SOX5: variants seen among roughly 807,000 people sequenced by gnomAD.
SOX5 encodes the protein transcription factor SOX-5.
A neutral mutation model predicts 92.0 loss-of-function variants in SOX5; 9 were observed. The observed-to-expected ratio is 0.10, with a 90% CI of 0.06 to 0.17. SOX5 has a LOEUF of 0.17. Among genes scored for constraint, SOX5 ranks in the 10% least tolerant of loss-of-function variants. The pLI is 1.00. For missense variants in SOX5, 642 were observed against 944.5 expected (o/e 0.68, Z 4.20); for synonymous variants, 344 against 336.3 (o/e 1.02, Z -0.25).
chr12:23,750,878 C>T (rs1377649294), intron 4 of SOX5, among the ~76,000 whole-genome samples: 1 of 151,896 alleles, frequency 6.6e-6, no homozygotes, highest in Non-Finnish European at 1.5e-5. Context: ...TGATCACTAG[C>T]TGTATTTACA....
chr12:23,835,296 G>A (rs755384702), intron 3 of SOX5, among the ~76,000 whole-genome samples: 1 of 151,808 alleles, frequency 6.6e-6, no homozygotes, highest in Admixed American at 6.6e-5. Context: ...TGATGTAACT[G>A]AAAGGGAAAA....
chr12:24,519,514 A>G lies in SOX5; in HGVS notation c.-251+42815T>C, dbSNP rs139196901. On this transcript the variant is annotated intron_variant, in intron 1 of 4. Coordinates refer to the SOX5 transcript ENST00000446891. Reference sequence around the variant, plus strand: ...AAAAAAAACTAAAGATGAGTATACCATTCAAGATACCTGGAGAAAAAGTGT... The same window carrying G: ...AAAAAAAACTAAAGATGAGTATACCGTTCAAGATACCTGGAGAAAAAGTGT... 3.1e-3 allele frequency among the ~76,000 whole-genome samples: 474 copies of G among 152,292 alleles called. 2 individuals are homozygous for G. Among genetic ancestry groups the G allele is most frequent in the Middle Eastern group, 0.014 (4 of 294 alleles).
chr12:23,753,847 A>C (rs1203743925), intron 4 of SOX5, among the ~76,000 whole-genome samples: 3 of 151,846 alleles, frequency 2.0e-5, no homozygotes, highest in Non-Finnish European at 4.4e-5. Context: ...AACAATGGAT[A>C]GTAATTGCAA....
Position 23,956,565 on chromosome 12 carries a change from C to T in SOX5, c.-1-60541G>A, listed in dbSNP as rs149097004. ...CTCCCACCTCACCTAACCTCTCCCA[C>T]CCCCATGGAAAAATTGTCTTTCATG... On this transcript the variant is annotated intron_variant, in intron 4 of 4. Transcript: ENST00000446891. 7.6e-3 allele frequency among the ~76,000 whole-genome samples: 1,152 copies of T among 152,272 alleles called. 14 individuals are homozygous for T. Among genetic ancestry groups the T allele is most frequent in the African/African-American group, 0.026 (1,095 of 41,552 alleles).
chr12:24,295,410 C>A (rs555575794), intron 2 of SOX5, among the ~76,000 whole-genome samples: 5 of 152,174 alleles, frequency 3.3e-5, no homozygotes, highest in African/African-American at 9.6e-5. Context: ...TTTAAGACAC[C>A]CCCAAACACT....
intron 1 of SOX5, among the ~76,000 whole-genome samples, chr12:23,919,695 G>A (rs1295413232): frequency 1.3e-5 from 2 of 152,156 alleles, no homozygotes; most frequent in South Asian, 2.1e-4. Context: ...GAAGTGATTT[G>A]CCTGAAGTCC....
chr12:24,283,874 A>T (rs1042716906), intron 2 of SOX5, among the ~76,000 whole-genome samples: 4 of 152,230 alleles, frequency 2.6e-5, no homozygotes, highest in Non-Finnish European at 1.5e-5. Context: ...CTCACTCTCT[A>T]TGCAAGGTAA....
At chr12:24,314,421 C>T (rs1474111494) in intron 2 of SOX5, among the ~76,000 whole-genome samples, 3 of 151,566 alleles carry the variant, frequency 2.0e-5, no homozygotes, top group South Asian at 2.1e-4. Context: ...TGTTAAATGA[C>T]GAGTTAATGG....
chr12:23,757,860 TTCTG>T (rs913573648), intron 3 of SOX5, among the ~76,000 whole-genome samples: 101 of 151,934 alleles, frequency 6.6e-4, no homozygotes, highest in Admixed American at 1.6e-3. Flanking sequence ...AACAGAAGTC[TTCTG>T]TCTAAGTTGC....
At chr12:24,434,034 G>A (rs578014892) in intron 1 of SOX5, among the ~76,000 whole-genome samples, 1 of 152,156 alleles carries the variant, frequency 6.6e-6, no homozygotes, top group Non-Finnish European at 1.5e-5. Context: ...CCAGGAGAGA[G>A]AACAGTCTCT....
chr12:24,174,716 G>A (rs1371861179), intron 4 of SOX5, among the ~76,000 whole-genome samples: 1 of 152,086 alleles, frequency 6.6e-6, no homozygotes, highest in Non-Finnish European at 1.5e-5. Flanking sequence ...AGCTGCTCAG[G>A]AGGCTGAGGA....
intron 1 of SOX5, among the ~76,000 whole-genome samples, chr12:24,475,104 G>A (rs1845188861): frequency 6.6e-6 from 1 of 152,116 alleles, no homozygotes; most frequent in Non-Finnish European, 1.5e-5. Flanking sequence ...CTCCCAAAGT[G>A]CTGGGATTAC....
At chr12:24,480,554 T>C (rs1300276774) in intron 1 of SOX5, among the ~76,000 whole-genome samples, 1 of 151,846 alleles carries the variant, frequency 6.6e-6, no homozygotes, top group Non-Finnish European at 1.5e-5. Flanking sequence ...TTCAAACAAC[T>C]CTATAGGAAA....
intron 2 of SOX5, among the ~76,000 whole-genome samples, chr12:23,887,395 T>G (rs1160707246): frequency 6.6e-6 from 1 of 152,162 alleles, no homozygotes; most frequent in African/African-American, 2.4e-5. Context: ...AGATGAAGAA[T>G]TAAAAACAAA....
rs1216019650 is a variant in SOX5, at chr12:24,277,560, T to C, written c.-173-248A>G. On this transcript the variant is annotated intron_variant, in intron 2 of 4. Coordinates refer to the SOX5 transcript ENST00000446891. ...TTATATGTATATAAATTTATATTTA[T>C]ATATTAAATATATAAATATATATTT... Among the ~76,000 whole-genome samples, 13 of 73,588 alleles carry C rather than the reference T, an allele frequency of 1.8e-4. No homozygotes were observed. The South Asian group carries it at 6.6e-3, about 37-fold the overall frequency. The allele number at this position is 73,588 out of a possible 152,430, so 48.3% of individuals were successfully genotyped here. A position where few individuals can be genotyped will look rare whatever the true frequency, so the allele number is the denominator to read the frequency against.
intron 6 of SOX5, among the ~76,000 whole-genome samples, chr12:23,728,082 G>A (rs1029124275): frequency 1.3e-5 from 2 of 151,920 alleles, no homozygotes; most frequent in Non-Finnish European, 2.9e-5. Flanking sequence ...GGACAGGGCT[G>A]CAGGCAGTTA....
chr12:24,414,360 G>GA (rs577369359), intron 1 of SOX5, among the ~76,000 whole-genome samples: 15 of 151,988 alleles, frequency 9.9e-5, no homozygotes, highest in South Asian at 4.2e-4. Flanking sequence ...CCCATTGGGG[G>GA]AAAAAAAATC....
At chr12:23,767,313 C>T (rs1479958914) in intron 3 of SOX5, among the ~76,000 whole-genome samples, 1 of 151,868 alleles carries the variant, frequency 6.6e-6, no homozygotes, top group Admixed American at 6.6e-5. Context: ...ATGTAAGTTG[C>T]AAACAGAAAA....
At chr12:24,069,938 A>T (rs1407160688) in intron 4 of SOX5, among the ~76,000 whole-genome samples, 1 of 152,190 alleles carries the variant, frequency 6.6e-6, no homozygotes. Flanking sequence ...ATAGCCATTT[A>T]CTACTGCACC....
Sources: allele counts gnomAD v4.1 joint callset (sites outside exome capture counted in the v4.1 genomes callset), GRCh38; gene constraint gnomAD v4.1.1; transcripts MANE v1.5; gene names NCBI Gene and HGNC (gene_info 2026-07-23, HGNC 2026-07-21).